The following BHLHE22 variants were observed in gnomAD, a reference collection of about 807,000 sequenced individuals.
The protein encoded by BHLHE22 is basic helix-loop-helix family member e22.
In BHLHE22, 8 loss-of-function variants were observed where a neutral mutation model predicts 17.6. The observed-to-expected ratio is 0.45, with a 90% confidence interval of 0.27 to 0.82. The LOEUF (loss-of-function observed/expected upper bound fraction) is 0.82. Ranked by LOEUF, BHLHE22 falls within the 40% of genes least tolerant of loss-of-function variation. The pLI, the probability that BHLHE22 is intolerant of heterozygous loss-of-function variation, is 0.16. For synonymous variants in BHLHE22, 353 were observed against 282.7 expected, an observed-to-expected ratio of 1.25 and a Z score of -2.49; for missense variants, 570 against 581.5, an observed-to-expected ratio of 0.98 and a Z score of 0.20.
Position 64,581,147 on chromosome 8 carries a change from G to T in BHLHE22, c.357G>T (p.Leu119=). Residue 119 remains leucine (L), a synonymous_variant, in exon 1 of 1, where the codon CTG becomes CTT. Coordinates refer to ENST00000321870, the MANE Select transcript of BHLHE22 (RefSeq NM_152414.5). The surrounding 1 kb of genome is among the most constrained non-coding windows in gnomAD (Gnocchi z 6.4). The part of the protein sequence containing the change: ...GVGGDPSLSS[L]PAGAALCLKY... ...GGGGCGACCCTAGCCTAAGCAGCCT[G>T]CCGGCCGGGGCCGCCCTTTGCCTCA... is the stretch of plus-strand genomic sequence containing the variant. 1 of 1,407,358 alleles carries T rather than the reference G, an allele frequency of 7.1e-7. No homozygotes were observed. Among genetic ancestry groups the T allele is most frequent in the Non-Finnish European group, 9.2e-7 (1 of 1,091,118 alleles). 87.2% of individuals were successfully genotyped at this position (1,407,358 alleles called of 1,614,324 possible).
chr8:64,581,100 C>T lies in BHLHE22; in HGVS notation c.310C>T (p.Leu104=), dbSNP rs772210413. ...GGGGVGVPGL[L]VGSAGVGGDP... is the part of the protein sequence containing the mutation. ...CGGCGGGGTGGGTGTCCCCGGGCTG[C>T]TAGTAGGTTCAGCCGGCGTTGGGGG... Residue 104 remains leucine, a synonymous_variant, in exon 1 of 1, where the codon CTA becomes TTA. Transcript: ENST00000321870. The surrounding 1 kb of genome is among the most constrained non-coding windows in gnomAD (Gnocchi z 6.4). 3.0e-6 allele frequency: 4 copies of T among 1,342,928 alleles called. No individual in the cohort carries two copies. The highest frequency in any genetic ancestry group is 3.8e-6 in the Non-Finnish European group (4 of 1,057,104). The allele number at this position is 1,342,928 out of a possible 1,614,324, so 83.2% of individuals were successfully genotyped here.
rs764629536 is a variant in BHLHE22 at position 64,581,114 on chromosome 8, C to A, written c.324C>A (p.Ala108=). 1 of 1,367,408 alleles carries A rather than the reference C, an allele frequency of 7.3e-7. No individual in the cohort carries two copies. Among genetic ancestry groups the A allele is most frequent in the Non-Finnish European group, 9.4e-7 (1 of 1,069,292 alleles). 84.7% of individuals were successfully genotyped at this position (1,367,408 alleles called of 1,614,324 possible). Residue 108 remains alanine, a synonymous_variant, in exon 1 of 1, where the codon GCC becomes GCA. Transcript: ENST00000321870. The surrounding 1 kb of genome is among the most constrained non-coding windows in gnomAD (Gnocchi z 6.4). Reference sequence around the variant, plus strand: ...TCCCCGGGCTGCTAGTAGGTTCAGCCGGCGTTGGGGGCGACCCTAGCCTAA... The same window carrying A: ...TCCCCGGGCTGCTAGTAGGTTCAGCAGGCGTTGGGGGCGACCCTAGCCTAA... ...VGVPGLLVGS[A]GVGGDPSLSS... is the part of the protein sequence containing the mutation.
chr8:64,580,853 G>C lies in BHLHE22; in HGVS notation c.63G>C (p.Lys21Asn), dbSNP rs1267879103. 1 of 1,503,656 alleles carries C rather than the reference G, an allele frequency of 6.7e-7. No homozygotes were observed. Among genetic ancestry groups the C allele is most frequent in the Non-Finnish European group, 8.8e-7 (1 of 1,135,168 alleles). 93.1% of individuals were successfully genotyped at this position (1,503,656 alleles called of 1,614,324 possible). The part of the protein sequence containing the change: ...AAGEDDLFLH[K>N]SLSASTSKRL... ...GCGAGGACGACCTCTTCCTGCACAA[G>C]AGCCTGAGCGCCTCCACCTCCAAGC... The change falls in exon 1 of 1, where the codon AAG becomes AAC. Residue 21 changes from lysine to asparagine, a missense_variant. Lys to Asn is a moderately conservative substitution (Grantham distance 94, BLOSUM62 0). Around this residue, in one of 3 missense-constraint regions of BHLHE22, gnomAD observed 427 missense variants for 376.2 expected, o/e 1.14. Transcript: ENST00000321870.
chr8:64,581,016 C>T lies in BHLHE22; in HGVS notation c.226C>T (p.Leu76=). 3 of 1,325,800 alleles carry T rather than the reference C, an allele frequency of 2.3e-6. No individual in the cohort carries two copies. Among genetic ancestry groups the T allele is most frequent in the Middle Eastern group, 2.7e-4 (1 of 3,694 alleles). The allele number at this position is 1,325,800 out of a possible 1,614,324, so 82.1% of individuals were successfully genotyped here. ...GGCTGACCCCGAGGGGGCAGGGCTG[C>T]TGTTGCCGCCGCCTGGAGGAGGCGG... ...EPADPEGAGL[L]LPPPGGGGGG... is the part of the protein sequence containing the mutation. Residue 76 remains leucine, a synonymous_variant, in exon 1 of 1, where the codon CTG becomes TTG. Coordinates refer to ENST00000321870, the MANE Select transcript of BHLHE22 (RefSeq NM_152414.5). The surrounding 1 kb of genome is among the most constrained non-coding windows in gnomAD (Gnocchi z 6.4).
In BHLHE22 at chr8:64,581,176, A is replaced by G; in HGVS notation, c.386A>G (p.Tyr129Cys). ...LPAGAALCLK[Y>C]GESASRGSVA... Reference sequence around the variant, plus strand: ...GCCGGGGCCGCCCTTTGCCTCAAGTACGGCGAAAGCGCGAGCCGGGGCTCG... The same window carrying G: ...GCCGGGGCCGCCCTTTGCCTCAAGTGCGGCGAAAGCGCGAGCCGGGGCTCG... The change falls in exon 1 of 1, where the codon TAC becomes TGC. Residue 129 changes from tyrosine (Y) to cysteine (C), a missense_variant. Around this residue, in one of 3 missense-constraint regions of BHLHE22, gnomAD observed 427 missense variants for 376.2 expected, o/e 1.14. Coordinates refer to ENST00000321870, the MANE Select transcript of BHLHE22 (RefSeq NM_152414.5). This position sits in a 1 kb window ranked among gnomAD's most constrained non-coding sequence, Gnocchi z 6.4. 4 of 1,423,820 alleles carry G rather than the reference A, an allele frequency of 2.8e-6. No individual in the cohort carries two copies. Among genetic ancestry groups the G allele is most frequent in the Non-Finnish European group, 3.6e-6 (4 of 1,100,186 alleles). 88.2% of individuals were successfully genotyped at this position (1,423,820 alleles called of 1,614,324 possible). A position where few individuals can be genotyped will look rare whatever the true frequency, so the allele number is the denominator to read the frequency against.
At position 64,582,608 on chromosome 8, in the gene BHLHE22, G is replaced by C. The variant is rs1214658031; in HGVS notation, c.*672G>C. On this transcript the variant is annotated 3_prime_UTR_variant, in exon 1 of 1. Transcript: ENST00000321870. Reference sequence around the variant, plus strand: ...GTGAAAATGCTCAAAGTTTTGGCGAGAGTGATATAAAAAAACTGACTGTGG... The same window carrying C: ...GTGAAAATGCTCAAAGTTTTGGCGACAGTGATATAAAAAAACTGACTGTGG... 6.0e-6 allele frequency: 1 copy of C among 167,016 alleles called. No homozygotes were observed. The highest frequency in any genetic ancestry group is 1.5e-5 in the Non-Finnish European group (1 of 68,118). 10.3% of individuals were successfully genotyped at this position (167,016 alleles called of 1,614,324 possible).
At position 64,581,122 on chromosome 8, in the gene BHLHE22, G is replaced by T; in HGVS notation, c.332G>T (p.Gly111Val). The change falls in exon 1 of 1, where the codon GGG (glycine) becomes GTG (valine). Residue 111 changes from glycine (G) to valine (V), a missense_variant. This residue lies in a region of BHLHE22 where 427 missense variants were observed against 376.2 expected (regional missense o/e 1.14). Transcript: ENST00000321870. This position sits in a 1 kb window ranked among gnomAD's most constrained non-coding sequence, Gnocchi z 6.4. ...PGLLVGSAGV[G>V]GDPSLSSLPA... ...CTGCTAGTAGGTTCAGCCGGCGTTGGGGGCGACCCTAGCCTAAGCAGCCTG... is the reference window on the plus strand; with the variant it reads ...CTGCTAGTAGGTTCAGCCGGCGTTGTGGGCGACCCTAGCCTAAGCAGCCTG... 7.3e-7 allele frequency: 1 copy of T among 1,378,352 alleles called. No individual in the cohort carries two copies. Among genetic ancestry groups the T allele is most frequent in the South Asian group, 1.8e-5 (1 of 54,236 alleles). 85.4% of individuals were successfully genotyped at this position (1,378,352 alleles called of 1,614,324 possible). A position where few individuals can be genotyped will look rare whatever the true frequency, so the allele number is the denominator to read the frequency against.
Position 64,580,681 on chromosome 8 carries a change from C to A in BHLHE22, c.-110C>A. Reference sequence around the variant, plus strand: ...GCAGCACCAGGACCGACGCGCGCACCAGCTCCGGAGCCCAGCTCGCGCGCG... The same window carrying A: ...GCAGCACCAGGACCGACGCGCGCACAAGCTCCGGAGCCCAGCTCGCGCGCG... On this transcript the variant is annotated 5_prime_UTR_variant, in exon 1 of 1. Transcript: ENST00000321870. 1 of 594,418 alleles carries A rather than the reference C, an allele frequency of 1.7e-6. No individual in the cohort carries two copies. The highest frequency in any genetic ancestry group is 2.1e-6 in the Non-Finnish European group (1 of 470,892). 36.8% of individuals were successfully genotyped at this position (594,418 alleles called of 1,614,324 possible). A position where few individuals can be genotyped will look rare whatever the true frequency, so the allele number is the denominator to read the frequency against.
rs1585785669 is a variant in BHLHE22 at position 64,580,687 on chromosome 8, C to T, written c.-104C>T. ...CCAGGACCGACGCGCGCACCAGCTC[C>T]GGAGCCCAGCTCGCGCGCGTCTGTG... On this transcript the variant is annotated 5_prime_UTR_variant, in exon 1 of 1. Transcript: ENST00000321870. The T allele has an allele frequency of 5.9e-6, 4 of 676,252 alleles. No homozygotes were observed. Among genetic ancestry groups the T allele is most frequent in the Non-Finnish European group, 7.3e-6 (4 of 545,322 alleles). 41.9% of individuals were successfully genotyped at this position (676,252 alleles called of 1,614,324 possible). A position where few individuals can be genotyped will look rare whatever the true frequency, so the allele number is the denominator to read the frequency against.
chr8:64,581,450 T>TAGCGGTAGCGGC lies in BHLHE22; in HGVS notation c.665_666insTAGCGGCAGCGG (p.Ser221_Gly224dup). ...GCAGTGGCGGCGGTGGCGGTAGCGGTAGCGGCAGCGGCGGCAGCAGCAGCA... is the reference window on the plus strand; with the variant it reads ...GCAGTGGCGGCGGTGGCGGTAGCGGTAGCGGTAGCGGCAGCGGCAGCGGCGGCAGCAGCAGCA... On this transcript the variant is annotated inframe_insertion, in exon 1 of 1. Coordinates refer to ENST00000321870, the MANE Select transcript of BHLHE22 (RefSeq NM_152414.5). This position sits in a 1 kb window ranked among gnomAD's most constrained non-coding sequence, Gnocchi z 6.4. 2 of 1,533,876 alleles carry TAGCGGTAGCGGC rather than the reference T, an allele frequency of 1.3e-6. No homozygotes were observed. Among genetic ancestry groups the TAGCGGTAGCGGC allele is most frequent in the African/African-American group, 1.4e-5 (1 of 72,150 alleles).
At position 64,583,044 on chromosome 8, in the gene BHLHE22, G is replaced by A. The variant is rs2129629418; in HGVS notation, c.*1108G>A. ...GAATGAATTGATCTCTTTTTTGAAA[G>A]GGGACTCCTTTACATTCCAAAAGGG... is the stretch of plus-strand genomic sequence containing the variant. On this transcript the variant is annotated 3_prime_UTR_variant, in exon 1 of 1. Coordinates refer to ENST00000321870, the MANE Select transcript of BHLHE22 (RefSeq NM_152414.5). 6.0e-6 allele frequency: 1 copy of A among 166,904 alleles called. No individual in the cohort carries two copies. Among genetic ancestry groups the A allele is most frequent in the South Asian group, 2.1e-4 (1 of 4,820 alleles). The allele number at this position is 166,904 out of a possible 1,614,324, so 10.3% of individuals were successfully genotyped here. A position where few individuals can be genotyped will look rare whatever the true frequency, so the allele number is the denominator to read the frequency against.
At position 64,581,644 on chromosome 8, in the gene BHLHE22, C is replaced by T. The variant is rs1319050880; in HGVS notation, c.854C>T (p.Thr285Met). ...PSVRKLSKIA[T>M]LLLAKNYILM... ...GTGCGAAAGCTCTCCAAGATCGCCA[C>T]GCTGCTGCTCGCCAAGAACTACATC... Residue 285 changes from threonine (T) to methionine (M), a missense_variant, in exon 1 of 1, where the codon ACG becomes ATG. Transcript: ENST00000321870. This position sits in a 1 kb window ranked among gnomAD's most constrained non-coding sequence, Gnocchi z 6.4. 1 of 1,613,144 alleles carries T rather than the reference C, an allele frequency of 6.2e-7. No homozygotes were observed. Among genetic ancestry groups the T allele is most frequent in the African/African-American group, 1.3e-5 (1 of 74,924 alleles).
rs546421536 is a variant in BHLHE22, at chr8:64,581,741, G to T, written c.951G>T (p.Ser317=). The T allele has an allele frequency of 3.7e-6, 6 of 1,601,418 alleles. No individual in the cohort carries two copies. The South Asian group carries it at 4.4e-5, about 12-fold the overall frequency. Residue 317 remains serine (S), a synonymous_variant, in exon 1 of 1, where the codon TCG becomes TCT. Transcript: ENST00000321870. The surrounding 1 kb of genome is among the most constrained non-coding windows in gnomAD (Gnocchi z 6.4). ...VAYLNQGQAI[S]AASLPSSAAA... The stretch of plus-strand genomic sequence containing the variant: ...ACCTCAACCAGGGCCAGGCCATCTC[G>T]GCTGCCTCCCTGCCCAGCTCGGCGG...
In BHLHE22 at chr8:64,581,385, G is replaced by A. The variant is rs1161959736; in HGVS notation, c.595G>A (p.Gly199Ser). 3 of 1,513,594 alleles carry A rather than the reference G, an allele frequency of 2.0e-6. No homozygotes were observed. The highest frequency in any genetic ancestry group is 1.4e-5 in the African/African-American group (1 of 71,234). 93.8% of individuals were successfully genotyped at this position (1,513,594 alleles called of 1,614,324 possible). A position where few individuals can be genotyped will look rare whatever the true frequency, so the allele number is the denominator to read the frequency against. ...CGGCGGCGCCAGCGTCCCCCCGGGG[G>A]GCCTGGGCGGCGGCGGCGGCGGGGG... ...LHGGASVPPGGLGGGGGGGSS... is the reference protein window; with the variant it reads ...LHGGASVPPGSLGGGGGGGSS... The change falls in exon 1 of 1, where the codon GGC becomes AGC. Residue 199 changes from glycine (G) to serine (S), a missense_variant. Coordinates refer to ENST00000321870, the MANE Select transcript of BHLHE22 (RefSeq NM_152414.5). The surrounding 1 kb of genome is among the most constrained non-coding windows in gnomAD (Gnocchi z 6.4).
Position 64,581,451 on chromosome 8 carries a change from A to T in BHLHE22, c.661A>T (p.Ser221Cys). The T allele has an allele frequency of 1.3e-6, 2 of 1,512,226 alleles. No homozygotes were observed. Among genetic ancestry groups the T allele is most frequent in the South Asian group, 2.4e-5 (2 of 84,098 alleles). 93.7% of individuals were successfully genotyped at this position (1,512,226 alleles called of 1,614,324 possible). A position where few individuals can be genotyped will look rare whatever the true frequency, so the allele number is the denominator to read the frequency against. ...CAGTGGCGGCGGTGGCGGTAGCGGTAGCGGCAGCGGCGGCAGCAGCAGCAG... is the reference window on the plus strand; with the variant it reads ...CAGTGGCGGCGGTGGCGGTAGCGGTTGCGGCAGCGGCGGCAGCAGCAGCAG... The part of the protein sequence containing the change: ...GSSGGGGGSG[S>C]GSGGSSSSSS... The change falls in exon 1 of 1, where the codon AGC becomes TGC. Residue 221 changes from serine to cysteine, a missense_variant. Physicochemically the swap from Ser to Cys is moderately radical, Grantham distance 112. Transcript: ENST00000321870. This position sits in a 1 kb window ranked among gnomAD's most constrained non-coding sequence, Gnocchi z 6.4.
Position 64,583,095 on chromosome 8 carries a change from T to C in BHLHE22, c.*1159T>C, listed in dbSNP as rs1383007580. Reference sequence around the variant, plus strand: ...AAAAACATCACAGCAATAGTTGCTATACGTAAGAACATGCTAAGCAAATAT... The same window carrying C: ...AAAAACATCACAGCAATAGTTGCTACACGTAAGAACATGCTAAGCAAATAT... On this transcript the variant is annotated 3_prime_UTR_variant, in exon 1 of 1. Transcript: ENST00000321870. 6.0e-6 allele frequency: 1 copy of C among 167,082 alleles called. No homozygotes were observed. The highest frequency in any genetic ancestry group is 6.5e-5 in the Admixed American group (1 of 15,288). 10.3% of individuals were successfully genotyped at this position (167,082 alleles called of 1,614,324 possible). A position where few individuals can be genotyped will look rare whatever the true frequency, so the allele number is the denominator to read the frequency against.
Position 64,580,768 on chromosome 8 carries a change from G to T in BHLHE22, c.-23G>T. On this transcript the variant is annotated 5_prime_UTR_variant, in exon 1 of 1. Transcript: ENST00000321870. Reference sequence around the variant, plus strand: ...GCGGCGGCAGCGGGCGCGGCGGCCCGGGCTGCGCGCCGGCGCGGGACCATG... The same window carrying T: ...GCGGCGGCAGCGGGCGCGGCGGCCCTGGCTGCGCGCCGGCGCGGGACCATG... 1.7e-6 allele frequency: 2 copies of T among 1,174,338 alleles called. No homozygotes were observed. The highest frequency in any genetic ancestry group is 2.1e-6 in the Non-Finnish European group (2 of 953,768). 72.7% of individuals were successfully genotyped at this position (1,174,338 alleles called of 1,614,324 possible).
chr8:64,580,880 C>A lies in BHLHE22; in HGVS notation c.90C>A (p.Arg30=), dbSNP rs1330521848. 6.6e-7 allele frequency: 1 copy of A among 1,520,984 alleles called. No individual in the cohort carries two copies. The highest frequency in any genetic ancestry group is 8.7e-7 in the Non-Finnish European group (1 of 1,145,106). The allele number at this position is 1,520,984 out of a possible 1,614,324, so 94.2% of individuals were successfully genotyped here. The change falls in exon 1 of 1, where the codon CGC becomes CGA. Residue 30 remains arginine, a synonymous_variant. Coordinates refer to ENST00000321870, the MANE Select transcript of BHLHE22 (RefSeq NM_152414.5). ...GCCTGAGCGCCTCCACCTCCAAGCG[C>A]TTGGAAGCGGCTTTCCGCTCCACGC... ...HKSLSASTSK[R]LEAAFRSTPP...
In BHLHE22 at chr8:64,583,403, T is replaced by G. The variant is rs866021626; in HGVS notation, c.*1467T>G. On this transcript the variant is annotated 3_prime_UTR_variant, in exon 1 of 1. Coordinates refer to ENST00000321870, the MANE Select transcript of BHLHE22 (RefSeq NM_152414.5). ...CCCTATGAAAATCAAGAAAATCTTT[T>G]TTAAAAATGGAGTCCTGCTATTTTC... 6.0e-6 allele frequency: 1 copy of G among 167,104 alleles called. No homozygotes were observed. Among genetic ancestry groups the G allele is most frequent in the African/African-American group, 2.4e-5 (1 of 41,458 alleles). 10.4% of individuals were successfully genotyped at this position (167,104 alleles called of 1,614,324 possible).
Sources: allele counts gnomAD v4.1 joint callset, GRCh38; gene constraint gnomAD v4.1.1; regional missense constraint gnomAD v4.1.1; non-coding constraint Gnocchi (gnomAD v3.1); transcripts MANE v1.5; gene names NCBI Gene and HGNC (gene_info 2026-07-23, HGNC 2026-07-21).